Variants in CAMTA1 observed in about 807,000 individuals in gnomAD.
The protein encoded by CAMTA1 is calmodulin binding transcription activator 1.
Under a neutral mutation model 170.9 loss-of-function variants are expected in CAMTA1, and 27 were observed. The observed-to-expected ratio is 0.16, with a 90% confidence interval of 0.12 to 0.22. The LOEUF is 0.22. Among genes scored for constraint, CAMTA1 ranks in the 10% least tolerant of loss-of-function variants. CAMTA1 has a pLI of 1.00. For missense variants in CAMTA1, 1,619 were observed against 2,217.2 expected (o/e 0.73, Z 5.42); for synonymous variants, 833 against 891.5 (o/e 0.93, Z 1.17).
intron 4 of CAMTA1, among the ~76,000 whole-genome samples, chr1:7,123,235 G>C (rs966761525): frequency 6.6e-6 from 1 of 152,046 alleles, no homozygotes; most frequent in Admixed American, 6.5e-5. Context: ...TTCATACCTA[G>C]CTTCTGGTAC....
At chr1:7,744,171 G>A (rs1253624253) in intron 16 of CAMTA1, among the ~76,000 whole-genome samples, 4 of 121,918 alleles carry the variant, frequency 3.3e-5, no homozygotes, top group Non-Finnish European at 4.8e-5. Context: ...TCGCGCTGTC[G>A]CCCAGGCTGG....
At chr1:7,147,638 C>T (rs1012515021) in intron 4 of CAMTA1, among the ~76,000 whole-genome samples, 2 of 149,558 alleles carry the variant, frequency 1.3e-5, no homozygotes. Flanking sequence ...CAAACATACA[C>T]CACAAATACA....
intron 3 of CAMTA1, among the ~76,000 whole-genome samples, chr1:7,070,061 G>C (rs1018191326): frequency 6.6e-6 from 1 of 152,160 alleles, no homozygotes; most frequent in Non-Finnish European, 1.5e-5. Flanking sequence ...CAGCTCCCTC[G>C]GAAGGATGCA....
intron 5 of CAMTA1, among the ~76,000 whole-genome samples, chr1:7,419,274 G>A (rs983463349): frequency 2.6e-5 from 4 of 152,284 alleles, no homozygotes; most frequent in Non-Finnish European, 5.9e-5. Context: ...TTCTGCCTCA[G>A]CCTCCCAAGT....
chr1:7,608,967 CTAAG>C (rs2095505081), intron 6 of CAMTA1, among the ~76,000 whole-genome samples: 1 of 152,112 alleles, frequency 6.6e-6, no homozygotes, highest in Non-Finnish European at 1.5e-5. Flanking sequence ...TGGGGAAATT[CTAAG>C]CAGAAGTGAG....
intron 5 of CAMTA1, among the ~76,000 whole-genome samples, chr1:7,327,632 G>A (rs1049245352): frequency 2.2e-4 from 34 of 152,166 alleles, no homozygotes; most frequent in Admixed American, 1.2e-3. Flanking sequence ...TTAGGATACA[G>A]CAGGCAGGAA....
At chr1:6,935,823 G>A (rs1043977929) in intron 3 of CAMTA1, among the ~76,000 whole-genome samples, 10 of 152,172 alleles carry the variant, frequency 6.6e-5, no homozygotes, top group African/African-American at 2.4e-4. Flanking sequence ...ATCTCAGAAT[G>A]GAAGGAGCCC....
chr1:7,138,561 G>C (rs764381991), intron 4 of CAMTA1, among the ~76,000 whole-genome samples: 1 of 152,030 alleles, frequency 6.6e-6, no homozygotes, highest in African/African-American at 2.4e-5. Flanking sequence ...CTCCCATCCC[G>C]CCTCCCACAG....
rs367636345 is a variant in CAMTA1 at position 7,195,213 on chromosome 1, A to C, written c.303-54278A>C. 2.6e-5 allele frequency among the ~76,000 whole-genome samples: 4 copies of C among 152,198 alleles called. No individual in the cohort carries two copies. The South Asian group carries it at 8.3e-4, about 32-fold the overall frequency. ...AGCTTGATGGACATTTGTGCCGTCCACCTTGCAGGCATATGGCAGCTCCCA... is the reference window on the plus strand; with the variant it reads ...AGCTTGATGGACATTTGTGCCGTCCCCCTTGCAGGCATATGGCAGCTCCCA... On this transcript the variant is annotated intron_variant, in intron 4 of 22. Coordinates refer to ENST00000303635, the MANE Select transcript of CAMTA1 (RefSeq NM_015215.4). This position sits in a 1 kb window ranked among gnomAD's most constrained non-coding sequence, Gnocchi z 4.1.
intron 3 of CAMTA1, among the ~76,000 whole-genome samples, chr1:6,901,439 AAAC>A (rs1370970451): frequency 6.6e-6 from 1 of 152,242 alleles, no homozygotes; most frequent in African/African-American, 2.4e-5. Context: ...GATAATGAAA[AAAC>A]AAGCCACAGA....
rs919333537 is a variant in CAMTA1 at position 7,009,029 on chromosome 1, C to T, written c.235-82275C>T. On this transcript the variant is annotated intron_variant, in intron 3 of 22. Transcript: ENST00000303635. Reference sequence around the variant, plus strand: ...GCCTCCAGCATCTTCCCGCCCCTCACGGAGGGTCAGCGGCCATGCCCAGCC... The same window carrying T: ...GCCTCCAGCATCTTCCCGCCCCTCATGGAGGGTCAGCGGCCATGCCCAGCC... 1.3e-4 allele frequency among the ~76,000 whole-genome samples: 20 copies of T among 152,338 alleles called. 1 individual carries two copies. In the South Asian group the frequency reaches 2.9e-3, roughly 22 times the overall value.
intron 3 of CAMTA1, among the ~76,000 whole-genome samples, chr1:6,926,757 A>G (rs531179477): frequency 1.4e-5 from 2 of 139,104 alleles, no homozygotes; most frequent in South Asian, 2.2e-4. Flanking sequence ...TTGAAACAAG[A>G]TCTGGCTCTG....
intron 3 of CAMTA1, among the ~76,000 whole-genome samples, chr1:7,027,499 T>C (rs949788744): frequency 4.6e-5 from 7 of 152,206 alleles, no homozygotes; most frequent in African/African-American, 1.7e-4. Flanking sequence ...TAAATCTCAA[T>C]CTTCACTTGG....
intron 3 of CAMTA1, among the ~76,000 whole-genome samples, chr1:7,029,818 AT>A (rs1702550009): frequency 9.9e-5 from 15 of 152,232 alleles, no homozygotes; most frequent in Admixed American, 7.8e-4. Context: ...AATTACAGTA[AT>A]AAACTCATTT....
At position 7,767,879 on chromosome 1, in the gene CAMTA1, GA is replaced by G; in HGVS notation, c.*1394del. Reference sequence around the variant, plus strand: ...AAAGAGCTACTGTATTTAGACTTAGGAAAAAAGGCAGAGTAACATTACTTAA... The same window carrying G: ...AAAGAGCTACTGTATTTAGACTTAGGAAAAAGGCAGAGTAACATTACTTAA... On this transcript the variant is annotated 3_prime_UTR_variant, in exon 23 of 23. Transcript: ENST00000303635. 6.7e-6 allele frequency: 1 copy of G among 148,494 alleles called. No individual in the cohort carries two copies. The highest frequency in any genetic ancestry group is 1.9e-4 in the East Asian group (1 of 5,130). 9.2% of individuals were successfully genotyped at this position (148,494 alleles called of 1,614,324 possible). A position where few individuals can be genotyped will look rare whatever the true frequency, so the allele number is the denominator to read the frequency against.
At chr1:7,603,624 G>T (rs2095463677) in intron 6 of CAMTA1, among the ~76,000 whole-genome samples, 1 of 152,142 alleles carries the variant, frequency 6.6e-6, no homozygotes, top group East Asian at 1.9e-4. Flanking sequence ...GATGGGTCTT[G>T]ACTCTTTATC....
intron 3 of CAMTA1, among the ~76,000 whole-genome samples, chr1:7,070,946 G>T (rs1471346087): frequency 6.6e-6 from 1 of 152,226 alleles, no homozygotes; most frequent in Admixed American, 6.5e-5. Context: ...GCGCTGACTT[G>T]GTGTGTGTTT....
At chr1:7,006,823 T>C (rs1480344027) in intron 3 of CAMTA1, among the ~76,000 whole-genome samples, 7 of 152,136 alleles carry the variant, frequency 4.6e-5, no homozygotes, top group Non-Finnish European at 7.3e-5. Context: ...CATTCTATGA[T>C]TTCCCCCTTA....
At position 7,333,446 on chromosome 1, in the gene CAMTA1, C is replaced by T. The variant is rs1473287876; in HGVS notation, c.438+83820C>T. On this transcript the variant is annotated intron_variant, in intron 5 of 22. Coordinates refer to ENST00000303635, the MANE Select transcript of CAMTA1 (RefSeq NM_015215.4). The surrounding 1 kb of genome is among the most constrained non-coding windows in gnomAD (Gnocchi z 4.4). Reference sequence around the variant, plus strand: ...GGTGGAACAGGTGGAGAGAACACACCGTTCTCTCTGCTGTGAAATTCCCTT... The same window carrying T: ...GGTGGAACAGGTGGAGAGAACACACTGTTCTCTCTGCTGTGAAATTCCCTT... Among the ~76,000 whole-genome samples the T allele has an allele frequency of 4.6e-5, 7 of 152,160 alleles. No homozygotes were observed. The highest frequency in any genetic ancestry group is 2.0e-4 in the Admixed American group (3 of 15,278).
Sources: gnomAD v4.1 joint callset for allele counts (sites outside exome capture counted in the v4.1 genomes callset) on GRCh38, gnomAD v4.1.1 for gene constraint, Gnocchi (gnomAD v3.1) non-coding constraint, MANE v1.5 for transcripts, NCBI Gene and HGNC (gene_info 2026-07-23, HGNC 2026-07-21) for gene names.